IQCM: variants seen among roughly 807,000 people sequenced by gnomAD.
IQCM encodes IQ motif containing M, also known as IQ domain-containing protein M.
In IQCM, 45 loss-of-function variants were observed where a neutral mutation model predicts 57.6. The observed-to-expected ratio is 0.78, with a 90% CI of 0.62 to 1.00. The LOEUF is 1.00. Ranked by LOEUF, IQCM falls within the 50% of genes least tolerant of loss-of-function variation. The pLI, the probability that IQCM is intolerant of heterozygous loss-of-function variation, is 0.00. For synonymous variants in IQCM, 148 were observed against 158.9 expected (o/e 0.93, Z 0.51); for missense variants, 468 against 511.6 (o/e 0.91, Z 0.82).
intron 10 of IQCM, among the ~76,000 whole-genome samples, chr4:149,559,882 G>T (rs1474062499): frequency 1.3e-5 from 2 of 152,210 alleles, no homozygotes; most frequent in Non-Finnish European, 2.9e-5. Context: ...TCCTTCTCCT[G>T]TCAGGTCAGT....
At chr4:149,744,192 C>T (rs938561307) in intron 2 of IQCM, among the ~76,000 whole-genome samples, 6 of 152,100 alleles carry the variant, frequency 3.9e-5, no homozygotes, top group African/African-American at 1.4e-4. Context: ...CTGGAACATC[C>T]AAAAATGATT....
intron 8 of IQCM, 78 bp downstream of exon 8, chr4:149,621,051 T>G: frequency 1.7e-6 from 1 of 588,326 alleles, no homozygotes; most frequent in Non-Finnish European, 2.5e-6. Context: ...AAATCTCAAG[T>G]GCTTTCATCA....
intron 5 of IQCM, among the ~76,000 whole-genome samples, chr4:149,699,735 A>C (rs574427184): frequency 2.0e-5 from 3 of 150,966 alleles, no homozygotes; most frequent in Admixed American, 1.3e-4. Context: ...ATGGAAGTTA[A>C]AGACAGAGAC....
chr4:149,662,486 T>A (rs1760312009), intron 7 of IQCM, among the ~76,000 whole-genome samples: 1 of 152,002 alleles, frequency 6.6e-6, no homozygotes, highest in Non-Finnish European at 1.5e-5. Context: ...ATCTTAATGA[T>A]CTGTCCATTG....
chr4:149,400,330 C>G (rs1228631279), intron 13 of IQCM, among the ~76,000 whole-genome samples: 4 of 151,578 alleles, frequency 2.6e-5, no homozygotes, highest in Admixed American at 6.6e-5. Context: ...AAAAACAAAG[C>G]CTTAAAAGTT....
chr4:149,492,084 C>T (rs540685726), intron 12 of IQCM, among the ~76,000 whole-genome samples: 2 of 152,110 alleles, frequency 1.3e-5, no homozygotes, highest in African/African-American at 4.8e-5. Flanking sequence ...AGATCTTCTG[C>T]CCATTTTCTT....
At chr4:149,573,822 T>C (rs1751390088) in intron 9 of IQCM, among the ~76,000 whole-genome samples, 1 of 151,904 alleles carries the variant, frequency 6.6e-6, no homozygotes, top group African/African-American at 2.4e-5. Flanking sequence ...ATGATTATTA[T>C]TCTGATTTTA....
At chr4:149,423,793 T>C (rs1734280214) in intron 13 of IQCM, among the ~76,000 whole-genome samples, 1 of 151,960 alleles carries the variant, frequency 6.6e-6, no homozygotes, top group Non-Finnish European at 1.5e-5. Context: ...ATACAGACAC[T>C]TAATAAATAT....
intron 5 of IQCM, among the ~76,000 whole-genome samples, chr4:149,720,836 T>C (rs1383909795): frequency 6.6e-6 from 1 of 152,194 alleles, no homozygotes; most frequent in South Asian, 2.1e-4. Flanking sequence ...GATCTGTTTT[T>C]ATGCATGGAG....
intron 12 of IQCM, among the ~76,000 whole-genome samples, chr4:149,475,995 A>C (rs1740142853): frequency 6.6e-6 from 1 of 152,160 alleles, no homozygotes; most frequent in Non-Finnish European, 1.5e-5. Flanking sequence ...GAAGTGGCAG[A>C]TGACAGAGGT....
chr4:149,694,218 CTTTTTTTTTTTTT>C (rs70965195), intron 5 of IQCM, among the ~76,000 whole-genome samples: 6 of 94,810 alleles, frequency 6.3e-5, no homozygotes, highest in African/African-American at 2.5e-4. Flanking sequence ...GGATTAATTT[CTTTTTTTTTTTTT>C]TTTTTTTTTT....
chr4:149,807,923 G>A (rs908839282), intron 2 of IQCM, among the ~76,000 whole-genome samples: 5 of 151,950 alleles, frequency 3.3e-5, no homozygotes, highest in African/African-American at 7.2e-5. Flanking sequence ...AATAACAAAC[G>A]CTGGTGATGA....
chr4:149,454,177 C>T (rs1157005080), intron 12 of IQCM, among the ~76,000 whole-genome samples: 57 of 143,634 alleles, frequency 4.0e-4, no homozygotes, highest in East Asian at 1.1e-3. Context: ...TACACACACA[C>T]ACACACACAC....
intron 13 of IQCM, among the ~76,000 whole-genome samples, chr4:149,383,103 C>T (rs1049670077): frequency 4.2e-4 from 64 of 152,066 alleles, no homozygotes; most frequent in African/African-American, 1.3e-3. Flanking sequence ...GTCCCCCTAT[C>T]TGTCCACAGG....
At chr4:149,530,745 A>G (rs897959008) in intron 12 of IQCM, among the ~76,000 whole-genome samples, 1 of 151,570 alleles carries the variant, frequency 6.6e-6, no homozygotes, top group Non-Finnish European at 1.5e-5. Flanking sequence ...ATGAAGATAT[A>G]TCTAGCTATC....
intron 13 of IQCM, among the ~76,000 whole-genome samples, chr4:149,366,197 A>G (rs1729823049): frequency 6.6e-6 from 1 of 152,088 alleles, no homozygotes; most frequent in Non-Finnish European, 1.5e-5. Flanking sequence ...ACAGAAATAC[A>G]AAAGAAAATA....
intron 11 of IQCM, among the ~76,000 whole-genome samples, chr4:149,549,987 G>A (rs1049478984): frequency 1.3e-5 from 2 of 152,160 alleles, no homozygotes; most frequent in African/African-American, 4.8e-5. Flanking sequence ...TTTGAAATAA[G>A]CAAACTAGAG....
intron 2 of IQCM, among the ~76,000 whole-genome samples, chr4:149,760,259 A>G (rs1205028004): frequency 6.6e-6 from 1 of 152,180 alleles, no homozygotes; most frequent in Non-Finnish European, 1.5e-5. Flanking sequence ...AGAGCATGAA[A>G]TATACCAACA....
chr4:149,626,094 T>C (rs955300234), intron 7 of IQCM, among the ~76,000 whole-genome samples: 3 of 151,958 alleles, frequency 2.0e-5, no homozygotes, highest in Admixed American at 6.6e-5. Flanking sequence ...CAAAAGAGAT[T>C]AGCATTTGAG....
Sources: gnomAD v4.1 joint callset for allele counts (sites outside exome capture counted in the v4.1 genomes callset) on GRCh38, gnomAD v4.1.1 for gene constraint, MANE v1.5 for transcripts, NCBI Gene and HGNC (gene_info 2026-07-23, HGNC 2026-07-21) for gene names.